GNA14: variants seen among roughly 807,000 people sequenced by gnomAD.
GNA14 encodes G protein subunit alpha 14.
In GNA14, 50 loss-of-function variants were observed where a neutral mutation model predicts 42.0. That is an observed-to-expected ratio of 1.19 (90% CI 0.95 to 1.51). The LOEUF is 1.51. GNA14 is among the 40% of genes most tolerant of loss of function. The pLI is 0.00. For synonymous variants in GNA14, 173 were observed against 163.1 expected, an observed-to-expected ratio of 1.06 and a Z score of -0.46; for missense variants, 473 against 446.2, an observed-to-expected ratio of 1.06 and a Z score of -0.54.
chr9:77,445,739 T>C (rs888366839), intron 2 of GNA14, among the ~76,000 whole-genome samples: 2 of 151,898 alleles, frequency 1.3e-5, no homozygotes, highest in Non-Finnish European at 2.9e-5. Context: ...GACCCCATCT[T>C]TAAAAAATAT....
intron 2 of GNA14, among the ~76,000 whole-genome samples, chr9:77,487,314 A>G (rs992778755): frequency 6.6e-6 from 1 of 152,204 alleles, no homozygotes; most frequent in African/African-American, 2.4e-5. Flanking sequence ...GGTAACTGAA[A>G]CCAAGAAAGT....
intron 1 of GNA14, among the ~76,000 whole-genome samples, chr9:77,609,061 G>C (rs1587846845): frequency 6.6e-6 from 1 of 152,070 alleles, no homozygotes; most frequent in African/African-American, 2.4e-5. Flanking sequence ...TCAAGTTCTG[G>C]TTCCTTTTTG....
At chr9:77,634,406 T>C (rs1824146164) in intron 1 of GNA14, among the ~76,000 whole-genome samples, 1 of 125,852 alleles carries the variant, frequency 7.9e-6, no homozygotes, top group Non-Finnish European at 1.6e-5. Flanking sequence ...AGTGAGACCC[T>C]GTCTCAAAAA....
At chr9:77,463,586 A>T (rs1836156513) in intron 2 of GNA14, among the ~76,000 whole-genome samples, 1 of 152,238 alleles carries the variant, frequency 6.6e-6, no homozygotes, top group Non-Finnish European at 1.5e-5. Flanking sequence ...AGAAAGTGTG[A>T]TTAACTTTCA....
intron 1 of GNA14, among the ~76,000 whole-genome samples, chr9:77,615,749 A>G (rs918351733): frequency 2.1e-5 from 3 of 144,528 alleles, no homozygotes; most frequent in South Asian, 2.2e-4. Context: ...ACACACACAC[A>G]CACGTTTAAA....
At chr9:77,518,740 A>G (rs1372308998) in intron 2 of GNA14, among the ~76,000 whole-genome samples, 3 of 152,226 alleles carry the variant, frequency 2.0e-5, no homozygotes. Context: ...TCTTTAATGA[A>G]TTGTGTACCC....
At chr9:77,647,053 A>C (rs1269604132) in intron 1 of GNA14, among the ~76,000 whole-genome samples, 1 of 152,234 alleles carries the variant, frequency 6.6e-6, no homozygotes, top group African/African-American at 2.4e-5. Flanking sequence ...ATAGGAGCTC[A>C]CGGTCAGAGG....
Position 77,432,632 on chromosome 9 carries a change from G to A in GNA14, c.465-1183C>T, listed in dbSNP as rs539163400. 2.4e-3 allele frequency among the ~76,000 whole-genome samples: 358 copies of A among 152,298 alleles called. 1 individual carries two copies. The highest frequency in any genetic ancestry group is 4.2e-3 in the Non-Finnish European group (286 of 68,024). On this transcript the variant is annotated intron_variant, in intron 3 of 6. Transcript: ENST00000341700. ...ACGTGCAAGTGCCTTGAGTCCTGCCGGTTTGGAAGGTTGGGCGACTGGGTT... is the reference window on the plus strand; with the variant it reads ...ACGTGCAAGTGCCTTGAGTCCTGCCAGTTTGGAAGGTTGGGCGACTGGGTT...
chr9:77,640,016 T>C (rs1032717614), intron 1 of GNA14, among the ~76,000 whole-genome samples: 1 of 152,220 alleles, frequency 6.6e-6, no homozygotes, highest in Admixed American at 6.5e-5. Flanking sequence ...TCCCCGGCCA[T>C]CTGCACTCAG....
At chr9:77,635,780 C>G (rs1268770827) in intron 1 of GNA14, among the ~76,000 whole-genome samples, 1 of 152,166 alleles carries the variant, frequency 6.6e-6, no homozygotes, top group Non-Finnish European at 1.5e-5. Flanking sequence ...CTCAGACTAA[C>G]TCTGGGCCCT....
At chr9:77,541,632 A>C (rs1282966072) in intron 1 of GNA14, among the ~76,000 whole-genome samples, 1 of 152,086 alleles carries the variant, frequency 6.6e-6, no homozygotes, top group Non-Finnish European at 1.5e-5. Context: ...ATGTTTTCTA[A>C]CATTTTCATT....
intron 2 of GNA14, among the ~76,000 whole-genome samples, chr9:77,521,467 A>G (rs1206390847): frequency 6.6e-6 from 1 of 152,202 alleles, no homozygotes; most frequent in Non-Finnish European, 1.5e-5. Flanking sequence ...AAACTCTCCA[A>G]TAAAAAAGTG....
intron 2 of GNA14, among the ~76,000 whole-genome samples, chr9:77,446,859 T>C (rs1835827434): frequency 6.6e-6 from 1 of 152,210 alleles, no homozygotes; most frequent in Non-Finnish European, 1.5e-5. Flanking sequence ...GATGTTAGCA[T>C]GGGAGGTTCT....
intron 1 of GNA14, among the ~76,000 whole-genome samples, chr9:77,615,702 TACACACACACACAC>T (rs59087574): frequency 0.034 from 4,576 of 134,474 alleles, 232 homozygotes; most frequent in African/African-American, 0.11. Flanking sequence ...GAAAATGAAA[TACACACACACACAC>T]ACACACACAC....
At chr9:77,618,612 ATATATATATTTTTTTTTTTT>A (rs1587849991) in intron 1 of GNA14, among the ~76,000 whole-genome samples, 5 of 13,480 alleles carry the variant, frequency 3.7e-4, no homozygotes, top group East Asian at 4.3e-3. Context: ...ATATATATAT[ATATATATATTTTTTTTTTTT>A]TTTTTTTTTT....
At chr9:77,589,409 TTTTG>T (rs775571645) in intron 1 of GNA14, among the ~76,000 whole-genome samples, 72 of 152,326 alleles carry the variant, frequency 4.7e-4, no homozygotes, top group African/African-American at 1.5e-3. Context: ...TGTTTTGTTT[TTTTG>T]TTTGTTTGTT....
At chr9:77,448,571 T>C (rs940552788) in intron 2 of GNA14, among the ~76,000 whole-genome samples, 12 of 152,180 alleles carry the variant, frequency 7.9e-5, no homozygotes, top group Admixed American at 7.2e-4. Flanking sequence ...TTATGATGGG[T>C]TTATCAGGAC....
chr9:77,571,070 G>C (rs1823051254), intron 1 of GNA14, among the ~76,000 whole-genome samples: 1 of 149,632 alleles, frequency 6.7e-6, no homozygotes, highest in Non-Finnish European at 1.5e-5. Context: ...CAAAAAATGG[G>C]CTAGAATTGT....
At chr9:77,483,629 T>C (rs1587791097) in intron 2 of GNA14, among the ~76,000 whole-genome samples, 1 of 152,292 alleles carries the variant, frequency 6.6e-6, no homozygotes, top group East Asian at 1.9e-4. Flanking sequence ...TCTGCAGAGG[T>C]TACTGCTGTC....
Sources: gnomAD v4.1 joint callset for allele counts (sites outside exome capture counted in the v4.1 genomes callset) on GRCh38, gnomAD v4.1.1 for gene constraint, MANE v1.5 for transcripts, NCBI Gene and HGNC (gene_info 2026-07-23, HGNC 2026-07-21) for gene names.